Variants in MTRR observed in about 807,000 individuals in gnomAD.
MTRR encodes methionine synthase reductase.
A neutral mutation model predicts 79.2 loss-of-function variants in MTRR; 63 were observed. The ratio of observed to expected loss-of-function variants is 0.80; its 90% CI spans 0.65 to 0.98. MTRR has a LOEUF of 0.98. Among genes scored for constraint, MTRR ranks in the 50% least tolerant of loss-of-function variants. MTRR has a pLI of 0.00. For missense variants in MTRR, 895 were observed against 839.6 expected (o/e 1.07, Z -0.82); for synonymous variants, 355 against 313.3 (o/e 1.13, Z -1.41).
rs1739284398 is a variant in MTRR, at chr5:7,900,348, T to C, written c.*290T>C. Reference sequence around the variant, plus strand: ...CAGTCCCTATCAGCGCCTCCTTTACTTCCCAGAGAACTTCACAGAGACTCT... The same window carrying C: ...CAGTCCCTATCAGCGCCTCCTTTACCTCCCAGAGAACTTCACAGAGACTCT... On this transcript the variant is annotated 3_prime_UTR_variant, in exon 15 of 15. Transcript: ENST00000440940. 2.7e-6 allele frequency: 1 copy of C among 374,872 alleles called. No individual in the cohort carries two copies. The allele number at this position is 374,872 out of a possible 1,614,324, so 23.2% of individuals were successfully genotyped here. A position where few individuals can be genotyped will look rare whatever the true frequency, so the allele number is the denominator to read the frequency against.
At position 7,861,804 on chromosome 5, in the gene MTRR, G is replaced by T. The variant is rs902916044; in HGVS notation, n.392-147G>T. On this transcript the variant is annotated intron_variant and non_coding_transcript_variant, in intron 1 of 3. Coordinates refer to the MTRR transcript ENST00000502509. ...AAGTAATGACCACAACCAAACAATG[G>T]TGAGAATTTTAATTCAATTGGCTTT... is the stretch of plus-strand genomic sequence containing the variant. The T allele has an allele frequency of 3.7e-6, 5 of 1,357,592 alleles. No individual in the cohort carries two copies. In the East Asian group the frequency reaches 1.2e-4, roughly 31 times the overall value. 84.1% of individuals were successfully genotyped at this position (1,357,592 alleles called of 1,614,324 possible).
intron 6 of MTRR, 141 bp from the exon 7 acceptor site, chr5:7,885,560 G>T (rs1284323173): frequency 1.2e-6 from 1 of 837,056 alleles, no homozygotes; most frequent in Non-Finnish European, 1.8e-6. Context: ...AAACAATTGT[G>T]TGTTTTTTTT....
At chr5:7,892,649 T>G in intron 10 of MTRR, 78 bp from the exon 11 acceptor site, 1 of 1,413,988 alleles carries the variant, frequency 7.1e-7, no homozygotes, top group Non-Finnish European at 1.0e-6. Flanking sequence ...ATTTCTAAAC[T>G]GAATAAAAGG....
chr5:7,861,576 C>A, intron 1 of MTRR: 1 of 1,571,244 alleles, frequency 6.4e-7, no homozygotes, highest in Non-Finnish European at 8.6e-7. Context: ...ACAACATTTT[C>A]CTGTACCTTT....
chr5:7,850,892 A>G (rs1746055669), upstream of MTRR: 1 of 1,345,888 alleles, frequency 7.4e-7, no homozygotes, highest in Non-Finnish European at 9.6e-7. Flanking sequence ...GGGCGGTAGT[A>G]GTAGCTGTGC....
intron 11 of MTRR, 170 bp downstream of exon 11, chr5:7,893,083 A>G (rs1366358456): frequency 1.3e-5 from 9 of 712,678 alleles, no homozygotes; most frequent in Non-Finnish European, 2.1e-5. Flanking sequence ...ACTTCCATGT[A>G]CTCTTTAACT....
At chr5:7,864,284 C>T (rs1746773861), upstream of MTRR, among the ~76,000 whole-genome samples, 2 of 152,066 alleles carry the variant, frequency 1.3e-5, no homozygotes, top group Non-Finnish European at 2.9e-5. Context: ...TAAGTATATA[C>T]AATTTTTGTT....
At chr5:7,864,745 T>C (rs867005581), upstream of MTRR, among the ~76,000 whole-genome samples, 12 of 152,010 alleles carry the variant, frequency 7.9e-5, no homozygotes, top group Non-Finnish European at 1.0e-4. Flanking sequence ...CACACTGCAA[T>C]AGAAGTGGAG....
At chr5:7,884,478 T>C (rs896489036) in intron 6 of MTRR, among the ~76,000 whole-genome samples, 1 of 152,260 alleles carries the variant, frequency 6.6e-6, no homozygotes, top group African/African-American at 2.4e-5. Context: ...TGCTATACTG[T>C]ATTTTTAAGT....
chr5:7,854,178 A>C (rs1375930690), intron 1 of MTRR, among the ~76,000 whole-genome samples: 1 of 152,092 alleles, frequency 6.6e-6, no homozygotes, highest in African/African-American at 2.4e-5. Flanking sequence ...ACTCGTACTC[A>C]AAAGTTCTGT....
intron 1 of MTRR, among the ~76,000 whole-genome samples, chr5:7,855,903 G>C (rs542029890): frequency 1.6e-4 from 25 of 152,286 alleles, no homozygotes; most frequent in African/African-American, 5.8e-4. Context: ...GAGCCCAACA[G>C]GGGGAGAACA....
intron 14 of MTRR, among the ~76,000 whole-genome samples, chr5:7,899,159 G>T (rs1026296946): frequency 6.6e-6 from 1 of 152,052 alleles, no homozygotes; most frequent in Non-Finnish European, 1.5e-5. Context: ...CATTCATGAG[G>T]CATCTGCCCC....
At chr5:7,899,082 C>T (rs978700395) in intron 14 of MTRR, among the ~76,000 whole-genome samples, 1 of 152,048 alleles carries the variant, frequency 6.6e-6, no homozygotes, top group Admixed American at 6.6e-5. Flanking sequence ...GCCACACACT[C>T]AAATAGCCAG....
At chr5:7,861,266 G>A in intron 1 of MTRR, 2 of 1,464,602 alleles carry the variant, frequency 1.4e-6, no homozygotes, top group Non-Finnish European at 9.2e-7. Context: ...GTGCTATCCT[G>A]AAAAATAAAA....
intron 14 of MTRR, among the ~76,000 whole-genome samples, chr5:7,898,869 C>T (rs546477047): frequency 1.3e-5 from 2 of 151,944 alleles, no homozygotes; most frequent in African/African-American, 2.4e-5. Context: ...TCGATAGATA[C>T]GAGGATATAT....
rs559714440 is a variant in MTRR at position 7,886,687 on chromosome 5, G to A, written c.1130G>A (p.Arg377Gln). 3.1e-6 allele frequency: 5 copies of A among 1,612,254 alleles called. No individual in the cohort carries two copies. Among genetic ancestry groups the A allele is most frequent in the Middle Eastern group, 1.7e-4 (1 of 6,056 alleles). The change falls in exon 8 of 15, where the codon CGA becomes CAA. Residue 377 changes from arginine (R) to glutamine (Q), a missense_variant. By Grantham distance (43) the Arg-to-Gln change is conservative. Transcript: ENST00000440940. Reference protein sequence around the residue: ...QFIFTWCLEIRAIPKKAFLRA... With the variant: ...QFIFTWCLEIQAIPKKAFLRA... Reference sequence around the variant, plus strand: ...ATTTTTACCTGGTGTCTTGAAATCCGAGCAATTCCTAAAAAGGTATTTTTT... The same window carrying A: ...ATTTTTACCTGGTGTCTTGAAATCCAAGCAATTCCTAAAAAGGTATTTTTT...
At chr5:7,852,009 A>G (rs1159602896) in intron 1 of MTRR, among the ~76,000 whole-genome samples, 1 of 152,218 alleles carries the variant, frequency 6.6e-6, no homozygotes, top group East Asian at 1.9e-4. Flanking sequence ...CAGTTCTGTG[A>G]GTCTGGCAAT....
chr5:7,873,764 C>G (rs1377060095), intron 3 of MTRR, among the ~76,000 whole-genome samples: 1 of 152,188 alleles, frequency 6.6e-6, no homozygotes, highest in Non-Finnish European at 1.5e-5. Flanking sequence ...AAGGATGCAC[C>G]TCAGATGCAG....
chr5:7,896,354 G>A (rs187870500), intron 12 of MTRR: 148 of 185,408 alleles, frequency 8.0e-4, no homozygotes, highest in African/African-American at 3.4e-3. Flanking sequence ...GAAGTAATGA[G>A]CAAGTCTTAG....
Sources: gnomAD v4.1 joint callset for allele counts (sites outside exome capture counted in the v4.1 genomes callset) on GRCh38, gnomAD v4.1.1 for gene constraint, MANE v1.5 for transcripts, NCBI Gene and HGNC (gene_info 2026-07-23, HGNC 2026-07-21) for gene names.